Variants in NTRK2 observed in about 807,000 individuals in gnomAD.
NTRK2 encodes BDNF/NT-3 growth factors receptor.
NTRK2 carries 13 observed loss-of-function variants against 94.5 expected under a neutral mutation model. That is an observed-to-expected ratio of 0.14 (90% confidence interval 0.09 to 0.22). The LOEUF (loss-of-function observed/expected upper bound fraction) is 0.22, where lower values mean the gene tolerates loss of function less well. Among genes scored for constraint, NTRK2 ranks in the 10% least tolerant of loss-of-function variants. The pLI, the probability that NTRK2 is intolerant of heterozygous loss-of-function variation, is 1.00. For missense variants in NTRK2, 639 were observed against 1,071.2 expected (o/e 0.60, Z 5.63); for synonymous variants, 372 against 407.4 (o/e 0.91, Z 1.05).
intron 12 of NTRK2, among the ~76,000 whole-genome samples, chr9:84,828,514 C>T (rs921782302): frequency 1.3e-5 from 2 of 152,064 alleles, no homozygotes; most frequent in South Asian, 2.1e-4. Flanking sequence ...TCATTCTCTC[C>T]CCCTACCCCC....
At chr9:84,992,696 T>C (rs1829242568) in intron 17 of NTRK2, among the ~76,000 whole-genome samples, 2 of 152,256 alleles carry the variant, frequency 1.3e-5, no homozygotes, top group South Asian at 2.1e-4. Context: ...AAAGTTATGC[T>C]TAGTCTAATC....
chr9:85,008,214 A>G (rs1266649090), intron 17 of NTRK2, among the ~76,000 whole-genome samples: 3 of 151,890 alleles, frequency 2.0e-5, no homozygotes, highest in Admixed American at 2.0e-4. Context: ...ATCACAAGCC[A>G]CAGCCATTTG....
intron 2 of NTRK2, among the ~76,000 whole-genome samples, chr9:84,681,611 A>T (rs1331003288): frequency 6.6e-6 from 1 of 152,100 alleles, no homozygotes; most frequent in Non-Finnish European, 1.5e-5. Context: ...CATAAAAACA[A>T]TATAATTCAT....
chr9:84,905,846 G>A (rs1340118677), intron 14 of NTRK2, among the ~76,000 whole-genome samples: 1 of 152,166 alleles, frequency 6.6e-6, no homozygotes, highest in African/African-American at 2.4e-5. Flanking sequence ...AACGATAAAT[G>A]TGAAACCAAT....
intron 12 of NTRK2, chr9:84,814,065 A>T: frequency 9.4e-7 from 1 of 1,065,148 alleles, no homozygotes; most frequent in Non-Finnish European, 1.1e-6. Context: ...GAGATAATTG[A>T]TTCAGGGGTT....
chr9:84,992,972 G>C (rs146679071), intron 17 of NTRK2, among the ~76,000 whole-genome samples: 2 of 151,348 alleles, frequency 1.3e-5, no homozygotes, highest in East Asian at 3.9e-4. Flanking sequence ...TAAACCCTTA[G>C]TGAAACCTCT....
At chr9:84,943,790 A>C (rs2078494246) in intron 15 of NTRK2, among the ~76,000 whole-genome samples, 1 of 152,166 alleles carries the variant, frequency 6.6e-6, no homozygotes, top group Non-Finnish European at 1.5e-5. Flanking sequence ...TGATTTTTAT[A>C]AATAGGGTTG....
At chr9:84,903,429 C>A (rs2076989258) in intron 14 of NTRK2, among the ~76,000 whole-genome samples, 1 of 152,182 alleles carries the variant, frequency 6.6e-6, no homozygotes. Context: ...TAACAGCTAG[C>A]CATTTCTCAC....
chr9:85,010,437 C>T (rs1049399312), intron 17 of NTRK2, among the ~76,000 whole-genome samples: 1 of 152,154 alleles, frequency 6.6e-6, no homozygotes, highest in African/African-American at 2.4e-5. Flanking sequence ...ACATAATGCT[C>T]AGGAGGCCAT....
intron 2 of NTRK2, among the ~76,000 whole-genome samples, chr9:84,700,008 A>C (rs116997863): frequency 0.015 from 2,356 of 152,298 alleles, 31 homozygotes; most frequent in Non-Finnish European, 0.026. Context: ...CCTTGTTGTG[A>C]GCATGGAGGA....
chr9:84,797,711 A>G (rs1354292796), intron 12 of NTRK2, among the ~76,000 whole-genome samples: 1 of 71,354 alleles, frequency 1.4e-5, no homozygotes, highest in Non-Finnish European at 2.5e-5. Context: ...ATATACTATA[A>G]TAATATATAT....
At chr9:84,950,415 T>C (rs527883171) in intron 16 of NTRK2, among the ~76,000 whole-genome samples, 7 of 152,168 alleles carry the variant, frequency 4.6e-5, no homozygotes. Context: ...TACATTATCA[T>C]GAACCTAAAG....
intron 17 of NTRK2, among the ~76,000 whole-genome samples, chr9:85,001,125 C>G (rs1250943908): frequency 1.3e-5 from 2 of 152,156 alleles, no homozygotes; most frequent in Non-Finnish European, 2.9e-5. Flanking sequence ...CAAAGCTTCC[C>G]CATCTGGTGT....
chr9:84,814,659 G>A (rs984655221), intron 12 of NTRK2: 1 of 1,065,108 alleles, frequency 9.4e-7, no homozygotes, highest in Non-Finnish European at 1.1e-6. Flanking sequence ...CTTCTCTCTT[G>A]GTTTGAATCT....
chr9:84,974,867 G>A (rs1826625032), intron 17 of NTRK2, among the ~76,000 whole-genome samples: 1 of 152,148 alleles, frequency 6.6e-6, no homozygotes, highest in Admixed American at 6.5e-5. Flanking sequence ...GGAGTTAAGG[G>A]GAGCAGGCCT....
intron 2 of NTRK2, among the ~76,000 whole-genome samples, chr9:84,685,739 T>C (rs992306176): frequency 6.6e-6 from 1 of 152,202 alleles, no homozygotes; most frequent in African/African-American, 2.4e-5. Context: ...CTCCTGCTTA[T>C]CTTTTAGGCC....
intron 11 of NTRK2, 138 bp downstream of exon 11, chr9:84,745,211 A>C: frequency 6.9e-6 from 5 of 728,052 alleles, no homozygotes; most frequent in Non-Finnish European, 1.2e-5. Flanking sequence ...TGGAAGAATT[A>C]ATAAAAGGCT....
At chr9:84,850,594 T>A (rs1239896980) in intron 12 of NTRK2, among the ~76,000 whole-genome samples, 1 of 152,120 alleles carries the variant, frequency 6.6e-6, no homozygotes, top group Non-Finnish European at 1.5e-5. Flanking sequence ...CTCAAGACGG[T>A]CCAATCAGGT....
chr9:84,793,199 C>G (rs1014288817), intron 12 of NTRK2, among the ~76,000 whole-genome samples: 1 of 151,886 alleles, frequency 6.6e-6, no homozygotes, highest in Non-Finnish European at 1.5e-5. Context: ...TGCATTTTGC[C>G]CACTTTGCTA....
Sources: gnomAD v4.1 joint callset for allele counts (sites outside exome capture counted in the v4.1 genomes callset) on GRCh38, gnomAD v4.1.1 for gene constraint, MANE v1.5 for transcripts, NCBI Gene and HGNC (gene_info 2026-07-23, HGNC 2026-07-21) for gene names.